ATP11C: variants seen among roughly 807,000 people sequenced by gnomAD.
The protein encoded by ATP11C is ATPase phospholipid transporting 11C (ATP11C blood group), also known as phospholipid-transporting ATPase IG.
In ATP11C, 36 loss-of-function variants were observed where a neutral mutation model predicts 97.4. That is an observed-to-expected ratio of 0.37 (90% CI 0.28 to 0.49). ATP11C has a LOEUF of 0.49. Among genes scored for constraint, ATP11C ranks in the 20% least tolerant of loss-of-function variants. The probability of loss-of-function intolerance (pLI) is 0.98; values close to 1 mark genes in which losing one functional copy is unlikely to be tolerated. For synonymous variants in ATP11C, 275 were observed against 290.9 expected (o/e 0.95, Z 0.56); for missense variants, 730 against 824.6 (o/e 0.89, Z 1.40).
intron 22 of ATP11C, among the ~76,000 whole-genome samples, chrX:139,760,737 A>G (rs2082020571): frequency 9.0e-6 from 1 of 111,606 alleles, no homozygotes; most frequent in African/African-American, 3.3e-5. Context: ...TGTTGAGGAA[A>G]CTACTTCAGT....
At chrX:139,848,490 T>C (rs1316752812) in intron 1 of ATP11C, among the ~76,000 whole-genome samples, 1 of 107,630 alleles carries the variant, frequency 9.3e-6, no homozygotes, top group East Asian at 3.4e-4. Flanking sequence ...ACTCTCTTTT[T>C]TGTTTTTTTT....
Position 139,743,605 on chromosome X carries a change from A to G in ATP11C, c.2984T>C (p.Phe995Ser), listed in dbSNP as rs747675445. The G allele has an allele frequency of 6.0e-6, 7 of 1,169,326 alleles. No individual in the cohort carries two copies. The South Asian group carries it at 1.2e-4, about 20-fold the overall frequency. ...TAAGACTGTAAAAACAATGGTTCCAAAAGTCCAGTTTCCGTATACCTGAAA... is the reference window on the plus strand; with the variant it reads ...TAAGACTGTAAAAACAATGGTTCCAGAAGTCCAGTTTCCGTATACCTGAAA... ...ENGKVYGNWT[F>S]GTIVFTVLVF... The change falls in exon 26 of 30, where the codon TTT (phenylalanine) becomes TCT (serine). Residue 995 changes from phenylalanine (F) to serine (S), a missense_variant. Transcript: ENST00000682941.
At chrX:139,813,970 G>T (rs2083231222) in intron 5 of ATP11C, among the ~76,000 whole-genome samples, 1 of 111,470 alleles carries the variant, frequency 9.0e-6, no homozygotes. Context: ...TAGGTTCACT[G>T]ATTGTAACAA....
chrX:139,906,656 C>T (rs1478214063), intron 1 of ATP11C, among the ~76,000 whole-genome samples: 3 of 109,111 alleles, frequency 2.7e-5, no homozygotes, highest in Admixed American at 9.8e-5. Flanking sequence ...GTAGCAGGCA[C>T]CTGTAATCCC....
chrX:139,765,240 T>A (rs1356435571), intron 20 of ATP11C, among the ~76,000 whole-genome samples: 5 of 109,561 alleles, frequency 4.6e-5, no homozygotes, highest in Admixed American at 9.8e-5. Context: ...AAAAAAAAAA[T>A]ATTTTACCAA....
At chrX:139,869,767 C>A (rs1208483432) in intron 1 of ATP11C, among the ~76,000 whole-genome samples, 2 of 102,887 alleles carry the variant, frequency 1.9e-5, no homozygotes, top group African/African-American at 7.2e-5. Context: ...GCACTTTAGC[C>A]TGGGCGACAG....
chrX:139,805,155 T>C (rs1410672977), intron 5 of ATP11C, among the ~76,000 whole-genome samples: 1 of 111,697 alleles, frequency 9.0e-6, no homozygotes, highest in Non-Finnish European at 1.9e-5. Context: ...TTTCTATGAA[T>C]TCATCTGCTG....
intron 18 of ATP11C, among the ~76,000 whole-genome samples, chrX:139,776,212 A>T (rs1374440126): frequency 8.9e-6 from 1 of 112,373 alleles, no homozygotes. Context: ...ATGGTAGCGC[A>T]TATGTACCTG....
At chrX:139,824,670 GA>G (rs1193678043) in intron 2 of ATP11C, among the ~76,000 whole-genome samples, 1 of 111,280 alleles carries the variant, frequency 9.0e-6, no homozygotes. Context: ...CTGGACGACA[GA>G]GCGAGACTCT....
chrX:139,833,104 C>T (rs1439958645), intron 1 of ATP11C, among the ~76,000 whole-genome samples: 1 of 111,815 alleles, frequency 8.9e-6, no homozygotes, highest in African/African-American at 3.2e-5. Context: ...TTTCTTTTTT[C>T]AGTGATAGTG....
chrX:139,863,354 G>A (rs984777249), intron 1 of ATP11C, among the ~76,000 whole-genome samples: 2 of 110,769 alleles, frequency 1.8e-5, no homozygotes, highest in Non-Finnish European at 3.8e-5. Flanking sequence ...CCAACATGGC[G>A]AAACCCAATC....
upstream of ATP11C, among the ~76,000 whole-genome samples, chrX:139,936,806 G>T (rs2085516452): frequency 9.0e-6 from 1 of 110,968 alleles, no homozygotes; most frequent in Non-Finnish European, 1.9e-5. Context: ...TGTGACGAAG[G>T]AGCGCAAACT....
At chrX:139,846,877 G>A (rs755997118) in intron 1 of ATP11C, among the ~76,000 whole-genome samples, 1 of 107,823 alleles carries the variant, frequency 9.3e-6, no homozygotes, top group Non-Finnish European at 1.9e-5. Context: ...ACTGACCAGT[G>A]ACTCCTGTGG....
chrX:139,846,160 G>A (rs777098867), intron 1 of ATP11C, among the ~76,000 whole-genome samples: 11 of 111,907 alleles, frequency 9.8e-5, no homozygotes, highest in South Asian at 3.7e-4. Flanking sequence ...GCTATTAATC[G>A]GTATGTTATA....
At chrX:139,767,132 C>T (rs1176958740) in intron 20 of ATP11C, among the ~76,000 whole-genome samples, 1 of 111,493 alleles carries the variant, frequency 9.0e-6, no homozygotes, top group East Asian at 2.8e-4. Flanking sequence ...GCCCTTCATC[C>T]TAAGGGACTA....
rs749398621 is a variant in ATP11C at position 139,819,545 on chromosome X, T to C, written c.148-118A>G. On this transcript the variant is annotated intron_variant, in intron 2 of 29. Coordinates refer to ENST00000682941, the MANE Select transcript of ATP11C (RefSeq NM_001353812.2). ...AAGTGATATTTAGTATGTCCAACACTTTGAAACTGAAATCTCACACATATA... is the reference window on the plus strand; with the variant it reads ...AAGTGATATTTAGTATGTCCAACACCTTGAAACTGAAATCTCACACATATA... The C allele has an allele frequency of 2.7e-4, 84 of 312,729 alleles. 2 individuals carry two copies. In the South Asian group the frequency reaches 0.011, roughly 41 times the overall value. 25.8% of individuals were successfully genotyped at this position (312,729 alleles called of 1,213,427 possible).
chrX:139,866,133 C>A (rs893516612), intron 1 of ATP11C, among the ~76,000 whole-genome samples: 5 of 109,799 alleles, frequency 4.6e-5, no homozygotes, highest in Non-Finnish European at 7.6e-5. Flanking sequence ...ATCACGAGGT[C>A]AGGAGTTCGA....
intron 5 of ATP11C, among the ~76,000 whole-genome samples, chrX:139,812,486 G>T (rs2083195671): frequency 9.1e-6 from 1 of 110,100 alleles, no homozygotes; most frequent in Non-Finnish European, 1.9e-5. Flanking sequence ...AGTGTACTGG[G>T]AACAACAGAT....
chrX:139,807,830 T>C (rs948611118), intron 5 of ATP11C, among the ~76,000 whole-genome samples: 2 of 109,946 alleles, frequency 1.8e-5, no homozygotes, highest in East Asian at 2.9e-4. Context: ...TGCACACCTA[T>C]AGACCCAGCT....
Sources: gnomAD v4.1 joint callset for allele counts (sites outside exome capture counted in the v4.1 genomes callset) on GRCh38, gnomAD v4.1.1 for gene constraint, MANE v1.5 for transcripts, NCBI Gene and HGNC (gene_info 2026-07-23, HGNC 2026-07-21) for gene names.